The following PTPRG variants were observed in gnomAD, a reference collection of about 807,000 sequenced individuals.
PTPRG encodes the protein receptor-type tyrosine-protein phosphatase gamma.
PTPRG carries 102 observed loss-of-function variants against 165.3 expected under a neutral mutation model. That is an observed-to-expected ratio of 0.62 (90% CI 0.53 to 0.73). The LOEUF (loss-of-function observed/expected upper bound fraction) is 0.73. Among genes scored for constraint, PTPRG ranks in the 30% least tolerant of loss-of-function variants. The pLI, the probability that PTPRG is intolerant of heterozygous loss-of-function variation, is 0.00. For missense variants in PTPRG, 1,866 were observed against 1,861.4 expected (o/e 1.00, Z -0.05); for synonymous variants, 675 against 669.5 (o/e 1.01, Z -0.13).
chr3:62,150,133 CG>C (rs1302145268), intron 6 of PTPRG, among the ~76,000 whole-genome samples: 1 of 152,160 alleles, frequency 6.6e-6, no homozygotes, highest in African/African-American at 2.4e-5. Context: ...CATTTAGAAA[CG>C]GTGATTCAAA....
At chr3:62,155,725 C>G (rs1439226556) in intron 6 of PTPRG, among the ~76,000 whole-genome samples, 4 of 152,002 alleles carry the variant, frequency 2.6e-5, no homozygotes, top group African/African-American at 9.7e-5. Flanking sequence ...TTGCATTATC[C>G]CCTAGTTACA....
chr3:61,773,590 A>G (rs539121713), intron 2 of PTPRG, among the ~76,000 whole-genome samples: 2 of 152,236 alleles, frequency 1.3e-5, no homozygotes, highest in African/African-American at 4.8e-5. Flanking sequence ...AATTCCTCCT[A>G]TCAGTCCTAA....
intron 2 of PTPRG, among the ~76,000 whole-genome samples, chr3:61,778,311 C>T (rs1037813303): frequency 1.3e-5 from 2 of 152,102 alleles, no homozygotes; most frequent in Non-Finnish European, 2.9e-5. Context: ...TTATTGGCCA[C>T]TTGGTGTTCA....
intron 5 of PTPRG, among the ~76,000 whole-genome samples, chr3:62,090,921 C>G (rs1475837459): frequency 6.6e-6 from 1 of 152,108 alleles, no homozygotes; most frequent in African/African-American, 2.4e-5. Flanking sequence ...CTATTCAATC[C>G]CATGCCACTT....
intron 6 of PTPRG, among the ~76,000 whole-genome samples, chr3:62,136,257 A>G (rs562171105): frequency 6.6e-6 from 1 of 152,318 alleles, no homozygotes; most frequent in Non-Finnish European, 1.5e-5. Context: ...ATGTATGCAT[A>G]TGCTTGGTAG....
rs61686807 is a variant in PTPRG, at chr3:61,682,167, A to AAAAG, written c.86-66711_86-66710insAAAG. Reference sequence around the variant, plus strand: ...CCTGTCTCAAAAAAAAAAAAAAAAAAGTGAACTGGTAATGAGAAATGAATT... The same window carrying AAAAG: ...CCTGTCTCAAAAAAAAAAAAAAAAAAAAAGGTGAACTGGTAATGAGAAATGAATT... On this transcript the variant is annotated intron_variant, in intron 1 of 29. Coordinates refer to ENST00000474889, the MANE Select transcript of PTPRG (RefSeq NM_002841.4). Among the ~76,000 whole-genome samples, 774 of 151,182 alleles carry AAAAG rather than the reference A, an allele frequency of 5.1e-3. 9 individuals carry two copies. The highest frequency in any genetic ancestry group is 8.7e-3 in the Admixed American group (131 of 15,096).
rs187577751 is a variant in PTPRG at position 61,723,932 on chromosome 3, G to A, written c.86-24946G>A. Among the ~76,000 whole-genome samples, 6 of 152,078 alleles carry A rather than the reference G, an allele frequency of 3.9e-5. No individual in the cohort carries two copies. The East Asian group carries it at 5.8e-4, about 15-fold the overall frequency. On this transcript the variant is annotated intron_variant, in intron 1 of 29. Coordinates refer to ENST00000474889, the MANE Select transcript of PTPRG (RefSeq NM_002841.4). The stretch of plus-strand genomic sequence containing the variant: ...ATCTGTCTTACATCTCTCTCATTTC[G>A]TCATTTTGAGAATATTGGGCTGGGC...
chr3:62,035,982 A>G (rs932312331), intron 4 of PTPRG, among the ~76,000 whole-genome samples: 2 of 151,880 alleles, frequency 1.3e-5, no homozygotes, highest in African/African-American at 4.8e-5. Context: ...TGTATTCAAC[A>G]TATTACCAAG....
At chr3:61,830,293 G>A (rs887615915) in intron 2 of PTPRG, among the ~76,000 whole-genome samples, 34 of 152,172 alleles carry the variant, frequency 2.2e-4, no homozygotes, top group Admixed American at 3.3e-4. Context: ...GAATTATACG[G>A]TGTGAACTGT....
intron 2 of PTPRG, among the ~76,000 whole-genome samples, chr3:61,892,925 A>G (rs1021434317): frequency 6.6e-6 from 1 of 152,220 alleles, no homozygotes; most frequent in South Asian, 2.1e-4. Context: ...TAATAAGACC[A>G]TCTTAAGGGG....
At chr3:62,238,718 A>G (rs994125681) in intron 14 of PTPRG, among the ~76,000 whole-genome samples, 5 of 152,154 alleles carry the variant, frequency 3.3e-5, no homozygotes, top group Admixed American at 2.6e-4. Flanking sequence ...TCCCTAAGCC[A>G]AAGAGCTATG....
chr3:61,985,872 A>C (rs1167292858), intron 2 of PTPRG, among the ~76,000 whole-genome samples: 1 of 152,136 alleles, frequency 6.6e-6, no homozygotes, highest in Admixed American at 6.5e-5. Context: ...GGGCTTGTTA[A>C]ATTTGCACAT....
chr3:61,894,301 C>CAAAAAAAAAAAAAAAAAA (rs767479285), intron 2 of PTPRG, among the ~76,000 whole-genome samples: 10 of 49,850 alleles, frequency 2.0e-4, no homozygotes, highest in East Asian at 9.6e-4. Flanking sequence ...GACTCTGTGT[C>CAAAAAAAAAAAAAAAAAA]AAAAAAAAAA....
chr3:62,022,219 G>C (rs758096097), intron 4 of PTPRG, among the ~76,000 whole-genome samples: 1 of 152,048 alleles, frequency 6.6e-6, no homozygotes, highest in Non-Finnish European at 1.5e-5. Context: ...TGTTATAGGT[G>C]ACCTATTTAC....
At chr3:61,998,690 T>C (rs979765275) in intron 3 of PTPRG, among the ~76,000 whole-genome samples, 2 of 152,366 alleles carry the variant, frequency 1.3e-5, no homozygotes, top group African/African-American at 4.8e-5. Flanking sequence ...TGTTGGCCTC[T>C]AGGTTAAGAA....
At chr3:61,646,894 C>T (rs1264943748) in intron 1 of PTPRG, among the ~76,000 whole-genome samples, 1 of 152,166 alleles carries the variant, frequency 6.6e-6, no homozygotes, top group Non-Finnish European at 1.5e-5. Flanking sequence ...CCTTTTGGTG[C>T]TGGCTTGCTT....
At chr3:62,248,257 G>C (rs1488526626) in intron 15 of PTPRG, among the ~76,000 whole-genome samples, 1 of 152,164 alleles carries the variant, frequency 6.6e-6, no homozygotes, top group Non-Finnish European at 1.5e-5. Context: ...TTCCATGCAT[G>C]ACATATGGGA....
chr3:61,868,331 C>G (rs925576810), intron 2 of PTPRG, among the ~76,000 whole-genome samples: 4 of 152,192 alleles, frequency 2.6e-5, no homozygotes, highest in African/African-American at 9.7e-5. Context: ...TTGCCTCTCT[C>G]AGATTTGATT....
In PTPRG at chr3:62,228,583, TAGG is replaced by T. The variant is rs1274669359; in HGVS notation, c.2289-2639_2289-2637del. On this transcript the variant is annotated intron_variant, in intron 13 of 29. Transcript: ENST00000474889. The surrounding 1 kb of genome is among the most constrained non-coding windows in gnomAD (Gnocchi z 4.1). ...AGTGCTCCAGGCAGAGGTCGCTGTG[TAGG>T]AGATGACCCAGAAGCACTGGATCAT... 2.0e-5 allele frequency among the ~76,000 whole-genome samples: 3 copies of T among 151,944 alleles called. No individual in the cohort carries two copies. Among genetic ancestry groups the T allele is most frequent in the Admixed American group, 2.0e-4 (3 of 15,254 alleles).
Sources: allele counts gnomAD v4.1 joint callset (sites outside exome capture counted in the v4.1 genomes callset), GRCh38; gene constraint gnomAD v4.1.1; non-coding constraint Gnocchi (gnomAD v3.1); transcripts MANE v1.5; gene names NCBI Gene and HGNC (gene_info 2026-07-23, HGNC 2026-07-21).